The following KLHL29 variants were observed in gnomAD, a reference collection of about 807,000 sequenced individuals.
KLHL29 encodes kelch-like protein 29.
In KLHL29, 21 loss-of-function variants were observed where a neutral mutation model predicts 80.4. The observed-to-expected ratio is 0.26, with a 90% confidence interval of 0.19 to 0.38. The LOEUF (loss-of-function observed/expected upper bound fraction) is 0.38, where lower values mean the gene tolerates loss of function less well. Ranked by LOEUF, KLHL29 falls within the 10% of genes least tolerant of loss-of-function variation. The pLI is 1.00. For synonymous variants in KLHL29, 511 were observed against 526.8 expected (o/e 0.97, Z 0.41); for missense variants, 867 against 1,223.9 (o/e 0.71, Z 4.35).
chr2:23,696,446 G>C lies in KLHL29; in HGVS notation c.2038G>C (p.Val680Leu). The change falls in exon 11 of 14, where the codon GTC (valine) becomes CTC (leucine). Residue 680 changes from valine to leucine, a missense_variant. Physicochemically the swap from Val to Leu is conservative, Grantham distance 32. Coordinates refer to ENST00000486442, the MANE Select transcript of KLHL29 (RefSeq NM_052920.2). This position sits in a 1 kb window ranked among gnomAD's most constrained non-coding sequence, Gnocchi z 5.5. The stretch of plus-strand genomic sequence containing the variant: ...CCCCCGCTGTCGGCACAATAGCCTC[G>C]TCTACGATGGGAAGATTTACACCCT... Reference protein sequence around the residue: ...TVPRCRHNSLVYDGKIYTLGG... With the variant: ...TVPRCRHNSLLYDGKIYTLGG... 1 of 1,550,892 alleles carries C rather than the reference G, an allele frequency of 6.4e-7. No individual in the cohort carries two copies. The highest frequency in any genetic ancestry group is 8.7e-7 in the Non-Finnish European group (1 of 1,146,668).
chr2:23,537,104 T>C (rs556606551), intron 2 of KLHL29, among the ~76,000 whole-genome samples: 2 of 152,298 alleles, frequency 1.3e-5, no homozygotes. Context: ...GGATGCCACT[T>C]TCTTGCAGTC....
At chr2:23,520,254 G>A (rs1291050374) in intron 2 of KLHL29, among the ~76,000 whole-genome samples, 2 of 152,322 alleles carry the variant, frequency 1.3e-5, no homozygotes, top group East Asian at 3.9e-4. Context: ...GGGCAGGGGT[G>A]TTCATCGTGT....
chr2:23,396,735 C>T (rs1005730022), intron 1 of KLHL29, among the ~76,000 whole-genome samples: 1 of 152,132 alleles, frequency 6.6e-6, no homozygotes, highest in Non-Finnish European at 1.5e-5. Context: ...TATTTCTTGC[C>T]GAAGCCTCGA....
chr2:23,649,242 G>T (rs1309454641), intron 5 of KLHL29, among the ~76,000 whole-genome samples: 1 of 152,068 alleles, frequency 6.6e-6, no homozygotes. Flanking sequence ...CCCCACTCCT[G>T]ATACACACAC....
At chr2:23,652,993 A>G (rs1188332563) in intron 5 of KLHL29, among the ~76,000 whole-genome samples, 1 of 152,246 alleles carries the variant, frequency 6.6e-6, no homozygotes, top group African/African-American at 2.4e-5. Context: ...GAAGTCTAGG[A>G]GGTAGGTGTG....
At chr2:23,502,761 A>G (rs1022509316) in intron 2 of KLHL29, among the ~76,000 whole-genome samples, 1 of 152,034 alleles carries the variant, frequency 6.6e-6, no homozygotes. Flanking sequence ...CCACATTCTT[A>G]TGGGGGACCT....
intron 1 of KLHL29, among the ~76,000 whole-genome samples, chr2:23,410,777 C>T (rs563769441): frequency 3.9e-5 from 6 of 151,952 alleles, no homozygotes; most frequent in African/African-American, 1.5e-4. Flanking sequence ...CTGGCTGAGT[C>T]AAGAATGGAG....
At chr2:23,644,009 T>A (rs531552199) in intron 5 of KLHL29, 13 of 152,162 alleles carry the variant, frequency 8.5e-5, no homozygotes, top group Non-Finnish European at 1.8e-4. Flanking sequence ...CTCCCAAGTC[T>A]CTTCCTTTGT....
In KLHL29 at chr2:23,684,009, C is replaced by T. The variant is rs1244051157; in HGVS notation, c.941-390C>T. Among the ~76,000 whole-genome samples the T allele has an allele frequency of 2.0e-5, 3 of 152,338 alleles. No individual in the cohort carries two copies. The South Asian group carries it at 6.2e-4, about 32-fold the overall frequency. On this transcript the variant is annotated intron_variant, in intron 5 of 13. Coordinates refer to ENST00000486442, the MANE Select transcript of KLHL29 (RefSeq NM_052920.2). This position sits in a 1 kb window ranked among gnomAD's most constrained non-coding sequence, Gnocchi z 4.4. Reference sequence around the variant, plus strand: ...CTTGACTTGGTCTCCAATACATCGGCACCCATTGGCATTTGGAGAACTTGC... The same window carrying T: ...CTTGACTTGGTCTCCAATACATCGGTACCCATTGGCATTTGGAGAACTTGC...
chr2:23,655,385 G>C (rs1670217499), intron 5 of KLHL29, among the ~76,000 whole-genome samples: 1 of 152,170 alleles, frequency 6.6e-6, no homozygotes, highest in African/African-American at 2.4e-5. Flanking sequence ...CCTTTAAAAT[G>C]AATTAGATTC....
chr2:23,644,464 G>A lies in KLHL29; in HGVS notation c.940+1614G>A, dbSNP rs112797234. Among the ~76,000 whole-genome samples the A allele has an allele frequency of 3.8e-3, 586 of 152,290 alleles. 2 individuals carry two copies. Among genetic ancestry groups the A allele is most frequent in the Non-Finnish European group, 6.2e-3 (420 of 68,032 alleles). Reference sequence around the variant, plus strand: ...TGCTGGCTTGCCACGTTCCAGGCACGCATCTAGGAAAAGGAGCTGTTTTGT... The same window carrying A: ...TGCTGGCTTGCCACGTTCCAGGCACACATCTAGGAAAAGGAGCTGTTTTGT... On this transcript the variant is annotated intron_variant, in intron 5 of 13. Transcript: ENST00000486442.
intron 1 of KLHL29, among the ~76,000 whole-genome samples, chr2:23,421,979 G>A (rs1427377145): frequency 9.1e-6 from 1 of 110,322 alleles, no homozygotes; most frequent in Non-Finnish European, 1.7e-5. Context: ...TGTTGTGTGT[G>A]TGTTCATGTG....
At chr2:23,479,529 G>C (rs1664729134) in intron 2 of KLHL29, among the ~76,000 whole-genome samples, 1 of 151,878 alleles carries the variant, frequency 6.6e-6, no homozygotes, top group Non-Finnish European at 1.5e-5. Context: ...GCTTTCCTTG[G>C]CTCCCTGTAT....
intron 1 of KLHL29, among the ~76,000 whole-genome samples, chr2:23,475,036 G>C (rs1664594171): frequency 6.6e-6 from 1 of 151,776 alleles, no homozygotes; most frequent in Non-Finnish European, 1.5e-5. Context: ...TCTCCCCAGG[G>C]AACCTATTCT....
At position 23,535,607 on chromosome 2, in the gene KLHL29, A is replaced by G. The variant is rs998089647; in HGVS notation, c.-45-26545A>G. Among the ~76,000 whole-genome samples, 3 of 152,220 alleles carry G rather than the reference A, an allele frequency of 2.0e-5. No individual in the cohort carries two copies. In the East Asian group the frequency reaches 5.8e-4, roughly 29 times the overall value. On this transcript the variant is annotated intron_variant, in intron 2 of 13. Transcript: ENST00000486442. ...GCTATAGTCATGGATACCTACTACAACATAGATGAACCTTGAAGACATTAT... is the reference window on the plus strand; with the variant it reads ...GCTATAGTCATGGATACCTACTACAGCATAGATGAACCTTGAAGACATTAT...
chr2:23,502,549 G>A (rs1665483299), intron 2 of KLHL29, among the ~76,000 whole-genome samples: 1 of 152,258 alleles, frequency 6.6e-6, no homozygotes, highest in African/African-American at 2.4e-5. Context: ...TCTGGCCCCT[G>A]TGCCCCTTCA....
intron 1 of KLHL29, among the ~76,000 whole-genome samples, chr2:23,460,291 G>A (rs973045736): frequency 2.6e-5 from 4 of 152,162 alleles, no homozygotes; most frequent in African/African-American, 7.2e-5. Flanking sequence ...TAGCCTGTGT[G>A]TTCACGGGGC....
intron 3 of KLHL29, among the ~76,000 whole-genome samples, chr2:23,607,752 C>T (rs1204711294): frequency 6.6e-6 from 1 of 152,166 alleles, no homozygotes; most frequent in Non-Finnish European, 1.5e-5. Context: ...AGGTTGCATG[C>T]TCCTTATGAG....
At chr2:23,622,653 C>G (rs961191953) in intron 3 of KLHL29, among the ~76,000 whole-genome samples, 27 of 152,324 alleles carry the variant, frequency 1.8e-4, no homozygotes, top group Admixed American at 1.6e-3. Context: ...CTCAGTCTTT[C>G]CTTCACAGCC....
Sources: allele counts gnomAD v4.1 joint callset (sites outside exome capture counted in the v4.1 genomes callset), GRCh38; gene constraint gnomAD v4.1.1; non-coding constraint Gnocchi (gnomAD v3.1); transcripts MANE v1.5; gene names NCBI Gene and HGNC (gene_info 2026-07-23, HGNC 2026-07-21).